MACROD2: variants seen among roughly 807,000 people sequenced by gnomAD.
MACROD2 encodes the protein ADP-ribose glycohydrolase MACROD2.
A neutral mutation model predicts 70.4 loss-of-function variants in MACROD2; 36 were observed. That is an observed-to-expected ratio of 0.51 (90% CI 0.39 to 0.68). The LOEUF (loss-of-function observed/expected upper bound fraction) is 0.68. Ranked by LOEUF, MACROD2 falls within the 30% of genes least tolerant of loss-of-function variation. The probability of loss-of-function intolerance (pLI) is 0.00; values close to 1 mark genes in which losing one functional copy is unlikely to be tolerated. For synonymous variants in MACROD2, 172 were observed against 178.8 expected, an observed-to-expected ratio of 0.96 and a Z score of 0.30; for missense variants, 496 against 538.4, an observed-to-expected ratio of 0.92 and a Z score of 0.78.
intron 4 of MACROD2, among the ~76,000 whole-genome samples, chr20:14,673,569 G>T (rs1482300067): frequency 6.6e-6 from 1 of 152,088 alleles, no homozygotes; most frequent in African/African-American, 2.4e-5. Flanking sequence ...CCACTTAGGT[G>T]GATGACCTTA....
intron 3 of MACROD2, among the ~76,000 whole-genome samples, chr20:14,155,164 A>G (rs891538808): frequency 6.6e-6 from 1 of 152,210 alleles, no homozygotes; most frequent in African/African-American, 2.4e-5. Flanking sequence ...ACACACATAT[A>G]TATAACTCAT....
intron 4 of MACROD2, among the ~76,000 whole-genome samples, chr20:14,649,763 T>A (rs990317851): frequency 2.6e-5 from 4 of 152,162 alleles, no homozygotes; most frequent in Admixed American, 2.6e-4. Flanking sequence ...GGGTACATTG[T>A]GCTGGTTGTC....
chr20:15,513,660 T>C (rs911424028), intron 8 of MACROD2, among the ~76,000 whole-genome samples: 4 of 152,196 alleles, frequency 2.6e-5, no homozygotes, highest in Non-Finnish European at 5.9e-5. Context: ...ATTTCCATAT[T>C]GAATCCAAGA....
At chr20:15,793,934 GATA>G (rs1161109100) in intron 8 of MACROD2, among the ~76,000 whole-genome samples, 2 of 146,856 alleles carry the variant, frequency 1.4e-5, no homozygotes, top group East Asian at 3.9e-4. Flanking sequence ...AAATATAAAA[GATA>G]ATAAAAGATA....
chr20:14,958,771 T>G (rs1354292229), intron 5 of MACROD2, among the ~76,000 whole-genome samples: 1 of 152,160 alleles, frequency 6.6e-6, no homozygotes, highest in Non-Finnish European at 1.5e-5. Context: ...CATTTAAGCA[T>G]GCATCAGAGT....
chr20:14,748,573 T>G, intron 5 of MACROD2, among the ~76,000 whole-genome samples: 1 of 152,214 alleles, frequency 6.6e-6, no homozygotes, highest in Admixed American at 6.5e-5. Context: ...ACAGAGAAGA[T>G]GTAGAGAACT....
intron 3 of MACROD2, among the ~76,000 whole-genome samples, chr20:14,256,302 C>A (rs954406328): frequency 1.3e-5 from 2 of 151,954 alleles, no homozygotes; most frequent in Non-Finnish European, 2.9e-5. Flanking sequence ...TAAAGAAATT[C>A]CTCACGCATA....
intron 8 of MACROD2, among the ~76,000 whole-genome samples, chr20:15,672,880 G>A (rs1600739167): frequency 6.6e-6 from 1 of 152,016 alleles, no homozygotes; most frequent in Non-Finnish European, 1.5e-5. Context: ...TTGAATGATG[G>A]GTCTTTGCCA....
At chr20:15,619,412 AT>A in intron 8 of MACROD2, 1 of 238,530 alleles carries the variant, frequency 4.2e-6, no homozygotes. Context: ...CTCAGTTACA[AT>A]TTTGCAATGG....
intron 5 of MACROD2, among the ~76,000 whole-genome samples, chr20:14,940,718 C>G (rs905164243): frequency 3.9e-5 from 6 of 152,070 alleles, no homozygotes; most frequent in African/African-American, 1.5e-4. Flanking sequence ...GTGTGTTGAA[C>G]CATACCTGCA....
At chr20:14,494,497 CAT>C (rs2084831796) in intron 4 of MACROD2, among the ~76,000 whole-genome samples, 1 of 151,680 alleles carries the variant, frequency 6.6e-6, no homozygotes, top group African/African-American at 2.4e-5. Context: ...CGTATTATCA[CAT>C]GTCAGTGCAT....
At chr20:14,456,391 AAGC>A (rs2084302649) in intron 3 of MACROD2, among the ~76,000 whole-genome samples, 1 of 151,870 alleles carries the variant, frequency 6.6e-6, no homozygotes, top group African/African-American at 2.4e-5. Flanking sequence ...ATCTTACTAA[AAGC>A]AATTCAGATA....
At chr20:14,646,661 A>G (rs990569687) in intron 4 of MACROD2, among the ~76,000 whole-genome samples, 1 of 152,062 alleles carries the variant, frequency 6.6e-6, no homozygotes, top group Admixed American at 6.6e-5. Context: ...ATGAGGCTGC[A>G]CACTTTGCTT....
chr20:14,671,601 A>T (rs2070795395), intron 4 of MACROD2, among the ~76,000 whole-genome samples: 1 of 152,110 alleles, frequency 6.6e-6, no homozygotes, highest in Non-Finnish European at 1.5e-5. Flanking sequence ...CTAGTGTGTG[A>T]TCTGTAACTA....
chr20:14,683,339 C>T (rs1219800282), intron 4 of MACROD2, among the ~76,000 whole-genome samples: 1 of 152,146 alleles, frequency 6.6e-6, no homozygotes, highest in East Asian at 1.9e-4. Flanking sequence ...TTATGCACAA[C>T]TTTGTAACTG....
chr20:14,536,593 A>G (rs544358375), intron 4 of MACROD2, among the ~76,000 whole-genome samples: 1 of 151,598 alleles, frequency 6.6e-6, no homozygotes, highest in East Asian at 1.9e-4. Context: ...ACAAAATCTA[A>G]CCTAACTGGG....
chr20:15,168,422 C>T (rs868542287), intron 5 of MACROD2, among the ~76,000 whole-genome samples: 3 of 146,836 alleles, frequency 2.0e-5, no homozygotes, highest in Middle Eastern at 3.4e-3. Context: ...AAAGCCTCTT[C>T]CTCTCTCCAC....
chr20:14,981,958 A>T (rs1282241549), intron 5 of MACROD2, among the ~76,000 whole-genome samples: 1 of 152,170 alleles, frequency 6.6e-6, no homozygotes, highest in Non-Finnish European at 1.5e-5. Flanking sequence ...AGACAGGGAA[A>T]TGTGGGAAAG....
At chr20:14,007,102 A>G (rs1168989942) in intron 2 of MACROD2, among the ~76,000 whole-genome samples, 2 of 152,056 alleles carry the variant, frequency 1.3e-5, no homozygotes, top group Non-Finnish European at 2.9e-5. Context: ...ATTCGTGATT[A>G]TTGCTTAGAT....
Sources: gnomAD v4.1 joint callset for allele counts (sites outside exome capture counted in the v4.1 genomes callset) on GRCh38, gnomAD v4.1.1 for gene constraint, MANE v1.5 for transcripts, NCBI Gene and HGNC (gene_info 2026-07-23, HGNC 2026-07-21) for gene names.